The following XPR1 variants were observed in gnomAD, a reference collection of about 807,000 sequenced individuals.
XPR1 encodes the protein xenotropic and polytropic retrovirus receptor 1.
In XPR1, 28 loss-of-function variants were observed where a neutral mutation model predicts 87.5. That is an observed-to-expected ratio of 0.32 (90% CI 0.24 to 0.44). The LOEUF is 0.44. XPR1 is among the 20% of genes least tolerant of loss of function. The pLI, the probability that XPR1 is intolerant of heterozygous loss-of-function variation, is 1.00. For synonymous variants in XPR1, 300 were observed against 306.1 expected, an observed-to-expected ratio of 0.98 and a Z score of 0.21; for missense variants, 559 against 862.3, an observed-to-expected ratio of 0.65 and a Z score of 4.41.
chr1:180,772,762 G>C (rs896372851), intron 2 of XPR1, among the ~76,000 whole-genome samples: 2 of 152,166 alleles, frequency 1.3e-5, no homozygotes, highest in African/African-American at 2.4e-5. Context: ...GCTCCTCCTT[G>C]CCTTTCACCA....
In XPR1 at chr1:180,880,138, G is replaced by C. The variant is rs1652801117; in HGVS notation, c.1871G>C (p.Arg624Pro). 1 of 1,614,040 alleles carries C rather than the reference G, an allele frequency of 6.2e-7. No individual in the cohort carries two copies. Residue 624 changes from arginine to proline, a missense_variant, in exon 14 of 15, where the codon CGT becomes CCT. Coordinates refer to ENST00000367590, the MANE Select transcript of XPR1 (RefSeq NM_004736.4). The part of the protein sequence containing the change: ...NEHLNNCGEF[R>P]AVRDISVAPL... ...CATCTGAATAACTGTGGTGAATTCC[G>C]TGCTGTGCGGGACATCTCTGTGGCC...
At chr1:180,777,745 AC>A (rs1326942823) in intron 2 of XPR1, among the ~76,000 whole-genome samples, 1 of 152,068 alleles carries the variant, frequency 6.6e-6, no homozygotes, top group East Asian at 1.9e-4. Flanking sequence ...AAAAACACAC[AC>A]CTTTTTTTGG....
chr1:180,724,702 A>C (rs1658278982), intron 2 of XPR1, among the ~76,000 whole-genome samples: 1 of 152,204 alleles, frequency 6.6e-6, no homozygotes, highest in East Asian at 1.9e-4. Context: ...TGACCAGATA[A>C]ACGTTATTTA....
At chr1:180,679,200 A>G (rs1458199936) in intron 1 of XPR1, among the ~76,000 whole-genome samples, 1 of 151,616 alleles carries the variant, frequency 6.6e-6, no homozygotes, top group African/African-American at 2.4e-5. Flanking sequence ...ATCTCAAAAA[A>G]CAAAAAAACA....
chr1:180,706,340 G>T (rs1034542009), intron 2 of XPR1, among the ~76,000 whole-genome samples: 1 of 152,044 alleles, frequency 6.6e-6, no homozygotes, highest in Non-Finnish European at 1.5e-5. Flanking sequence ...TTGAGTTTCC[G>T]GCTCTACTTT....
chr1:180,824,530 G>A (rs1650756096), intron 7 of XPR1, among the ~76,000 whole-genome samples: 4 of 152,072 alleles, frequency 2.6e-5, no homozygotes, highest in African/African-American at 4.8e-5. Context: ...GCAGTGAGCC[G>A]AGATCACGCC....
chr1:180,708,496 TA>T (rs1306980061), intron 2 of XPR1, among the ~76,000 whole-genome samples: 2 of 152,106 alleles, frequency 1.3e-5, no homozygotes, highest in Non-Finnish European at 2.9e-5. Context: ...CCACAATAAA[TA>T]AAAGGCAGGA....
At chr1:180,677,807 G>T (rs1656417519) in intron 1 of XPR1, among the ~76,000 whole-genome samples, 1 of 152,174 alleles carries the variant, frequency 6.6e-6, no homozygotes, top group Admixed American at 6.5e-5. Context: ...TATAAACTAC[G>T]TTCCTCCCAA....
At chr1:180,739,844 G>A (rs1301212132) in intron 2 of XPR1, among the ~76,000 whole-genome samples, 2 of 151,868 alleles carry the variant, frequency 1.3e-5, no homozygotes, top group African/African-American at 2.4e-5. Context: ...AGATTCAAGC[G>A]ATTCTCCCAT....
At chr1:180,880,635 T>C (rs1431684708) in intron 14 of XPR1, among the ~76,000 whole-genome samples, 1 of 152,224 alleles carries the variant, frequency 6.6e-6, no homozygotes, top group Non-Finnish European at 1.5e-5. Flanking sequence ...ACTTTAGGAA[T>C]CCTGCCATCT....
chr1:180,806,125 C>T lies in XPR1; in HGVS notation c.511C>T (p.Arg171Cys), dbSNP rs1479383387. The T allele has an allele frequency of 1.2e-6, 2 of 1,613,856 alleles. No individual in the cohort carries two copies. The highest frequency in any genetic ancestry group is 1.7e-5 in the Admixed American group (1 of 59,982). Reference sequence around the variant, plus strand: ...GCATGACAAGATCCTGGAAACATCTCGTGGAGCAGATTGGCGAGTGGCTCA... The same window carrying T: ...GCATGACAAGATCCTGGAAACATCTTGTGGAGCAGATTGGCGAGTGGCTCA... ...KKHDKILETS[R>C]GADWRVAHVE... Residue 171 changes from arginine to cysteine, a missense_variant, in exon 5 of 15, where the codon CGT (arginine) becomes TGT (cysteine). By Grantham distance (180) the Arg-to-Cys change is radical (BLOSUM62 -3). Around this residue, in one of 7 missense-constraint regions of XPR1, gnomAD observed 159 missense variants for 263.3 expected, o/e 0.60. Coordinates refer to ENST00000367590, the MANE Select transcript of XPR1 (RefSeq NM_004736.4).
intron 2 of XPR1, among the ~76,000 whole-genome samples, chr1:180,778,240 T>A (rs940939568): frequency 1.3e-5 from 2 of 152,122 alleles, no homozygotes; most frequent in Middle Eastern, 3.2e-3. Flanking sequence ...CACCTCGGCC[T>A]CCCAAAGCAC....
Position 180,752,494 on chromosome 1 carries a change from A to T in XPR1, c.122-35259A>T, listed in dbSNP as rs1647571916. Among the ~76,000 whole-genome samples, 6 of 152,124 alleles carry T rather than the reference A, an allele frequency of 3.9e-5. No homozygotes were observed. In the South Asian group the frequency reaches 1.2e-3, roughly 32 times the overall value. The stretch of plus-strand genomic sequence containing the variant: ...AACTTTTTACCAAAAGTCTTAGCTT[A>T]TGTGTTTGATTTTCAGCATATGAAA... On this transcript the variant is annotated intron_variant, in intron 2 of 14. Coordinates refer to ENST00000367590, the MANE Select transcript of XPR1 (RefSeq NM_004736.4).
chr1:180,687,504 T>TA (rs1435266714), intron 2 of XPR1, among the ~76,000 whole-genome samples: 3 of 152,160 alleles, frequency 2.0e-5, no homozygotes, highest in African/African-American at 7.2e-5. Context: ...ACTAGTTTTA[T>TA]AGTGAATTAG....
At chr1:180,792,755 A>G (rs1309876701) in intron 3 of XPR1, among the ~76,000 whole-genome samples, 3 of 151,308 alleles carry the variant, frequency 2.0e-5, no homozygotes, top group Non-Finnish European at 4.4e-5. Flanking sequence ...CATGAAGGCT[A>G]TACCGTTAGA....
intron 2 of XPR1, among the ~76,000 whole-genome samples, chr1:180,693,368 T>A (rs960623714): frequency 6.6e-6 from 1 of 152,172 alleles, no homozygotes. Flanking sequence ...CAGTATTAGG[T>A]ATCATTGAAT....
intron 4 of XPR1, 143 bp downstream of exon 4, chr1:180,803,754 G>T (rs1649881410): frequency 4.4e-6 from 3 of 678,862 alleles, no homozygotes; most frequent in African/African-American, 3.6e-5. Flanking sequence ...GTTCCTACTG[G>T]CTAAAAACCA....
intron 2 of XPR1, among the ~76,000 whole-genome samples, chr1:180,756,871 A>G (rs1413825078): frequency 2.0e-5 from 3 of 152,232 alleles, no homozygotes; most frequent in Non-Finnish European, 2.9e-5. Flanking sequence ...TCTTTTGCAT[A>G]TGATATTCAG....
chr1:180,803,504 G>A lies in XPR1; in HGVS notation c.340G>A (p.Val114Ile). 6.2e-7 allele frequency: 1 copy of A among 1,613,944 alleles called. No homozygotes were observed. The highest frequency in any genetic ancestry group is 8.5e-7 in the Non-Finnish European group (1 of 1,179,992). ...TACGCTGCGACAACGCAGAAAGCCA[G>A]TCTTCCACTTGTCCCATGAGGAACG... ...VTTLRQRRKP[V>I]FHLSHEERVQ... The change falls in exon 4 of 15, where the codon GTC (valine) becomes ATC (isoleucine). Residue 114 changes from valine (V) to isoleucine (I), a missense_variant. Transcript: ENST00000367590.
Sources: gnomAD v4.1 joint callset for allele counts (sites outside exome capture counted in the v4.1 genomes callset) on GRCh38, gnomAD v4.1.1 for gene constraint, gnomAD v4.1.1 regional missense constraint, MANE v1.5 for transcripts, NCBI Gene and HGNC (gene_info 2026-07-23, HGNC 2026-07-21) for gene names.